The following ATP6V0D2 variants were observed in gnomAD, a reference collection of about 807,000 sequenced individuals.
ATP6V0D2 encodes the protein ATPase H+ transporting V0 subunit d2.
ATP6V0D2 carries 40 observed loss-of-function variants against 40.0 expected under a neutral mutation model. The ratio of observed to expected loss-of-function variants is 1.00; its 90% CI spans 0.78 to 1.30. The LOEUF is 1.30. Ranked by LOEUF, ATP6V0D2 falls within the 50% of genes most tolerant of loss-of-function variation. The pLI, the probability that ATP6V0D2 is intolerant of heterozygous loss-of-function variation, is 0.00. For synonymous variants in ATP6V0D2, 179 were observed against 156.3 expected (o/e 1.15, Z -1.08); for missense variants, 470 against 423.1 (o/e 1.11, Z -0.97).
chr8:86,105,616 C>CTTTTTTTTTTTT lies in ATP6V0D2; in HGVS notation c.130+6512_130+6513insTTTTTTTTTTTT, dbSNP rs1401385712. On this transcript the variant is annotated intron_variant, in intron 1 of 7. Transcript: ENST00000285393. The stretch of plus-strand genomic sequence containing the variant: ...TGCCTAGCCTGTAAACTTCTTTTTT[C>CTTTTTTTTTTTT]TTTTCTTTTTTTTTTTTTTTGAGAT... Among the ~76,000 whole-genome samples the CTTTTTTTTTTTT allele has an allele frequency of 1.4e-4, 18 of 131,164 alleles. 1 individual carries two copies. The highest frequency in any genetic ancestry group is 2.2e-4 in the Non-Finnish European group (14 of 62,498). 86.0% of individuals were successfully genotyped at this position (131,164 alleles called of 152,430 possible). A position where few individuals can be genotyped will look rare whatever the true frequency, so the allele number is the denominator to read the frequency against.
intron 2 of ATP6V0D2, among the ~76,000 whole-genome samples, chr8:86,135,926 T>G (rs1032443210): frequency 2.0e-5 from 3 of 152,160 alleles, no homozygotes; most frequent in African/African-American, 7.2e-5. Flanking sequence ...CTACAAAGAT[T>G]ATAGTCTGGA....
At position 86,099,069 on chromosome 8, in the gene ATP6V0D2, C is replaced by A; in HGVS notation, c.91C>A (p.Gln31Lys). ...RGCKASLLTQ[Q>K]DYINLVQCET... ...ATGCAAGGCCAGCCTCCTGACCCAGCAAGACTATATCAACCTGGTCCAGTG... is the reference window on the plus strand; with the variant it reads ...ATGCAAGGCCAGCCTCCTGACCCAGAAAGACTATATCAACCTGGTCCAGTG... Residue 31 changes from glutamine to lysine, a missense_variant, in exon 1 of 8, where the codon CAA becomes AAA. Gln to Lys is a moderately conservative substitution (Grantham distance 53, BLOSUM62 1). Coordinates refer to ENST00000285393, the MANE Select transcript of ATP6V0D2 (RefSeq NM_152565.1). 6.2e-7 allele frequency: 1 copy of A among 1,612,470 alleles called. No homozygotes were observed. The highest frequency in any genetic ancestry group is 8.5e-7 in the Non-Finnish European group (1 of 1,179,760).
intron 1 of ATP6V0D2, among the ~76,000 whole-genome samples, chr8:86,108,954 T>A (rs78921383): frequency 6.6e-6 from 1 of 152,226 alleles, no homozygotes; most frequent in Admixed American, 6.5e-5. Context: ...CTATTTTTTT[T>A]ATTCTATTGC....
chr8:86,117,020 T>C (rs1037739873), intron 2 of ATP6V0D2, among the ~76,000 whole-genome samples: 4 of 151,854 alleles, frequency 2.6e-5, no homozygotes, highest in African/African-American at 7.3e-5. Flanking sequence ...CAGGACCTAA[T>C]TGTCTATTTT....
intron 2 of ATP6V0D2, among the ~76,000 whole-genome samples, chr8:86,118,037 TTTCTTTC>T (rs1818616067): frequency 6.6e-6 from 1 of 151,060 alleles, no homozygotes; most frequent in East Asian, 1.9e-4. Flanking sequence ...TTTTTTTTTC[TTTCTTTC>T]TTCTTTCTTT....
At chr8:86,111,753 C>T (rs1050337213) in intron 1 of ATP6V0D2, among the ~76,000 whole-genome samples, 1 of 152,168 alleles carries the variant, frequency 6.6e-6, no homozygotes, top group Non-Finnish European at 1.5e-5. Context: ...TAATCTTTCT[C>T]CCCTCTTCCT....
intron 1 of ATP6V0D2, among the ~76,000 whole-genome samples, chr8:86,099,388 C>G (rs993965806): frequency 6.6e-6 from 1 of 152,140 alleles, no homozygotes; most frequent in African/African-American, 2.4e-5. Context: ...ACACTGTCAC[C>G]AACAAAAATT....
At chr8:86,119,295 C>T (rs1400284141) in intron 2 of ATP6V0D2, among the ~76,000 whole-genome samples, 4 of 139,388 alleles carry the variant, frequency 2.9e-5, no homozygotes, top group Non-Finnish European at 6.1e-5. Context: ...GTGGCGCAAT[C>T]TCGGCTTACT....
chr8:86,139,845 C>A (rs996071826), intron 3 of ATP6V0D2, among the ~76,000 whole-genome samples: 5 of 152,152 alleles, frequency 3.3e-5, no homozygotes, highest in Admixed American at 6.6e-5. Context: ...TTTTTCAGAT[C>A]AGGACAAATG....
In ATP6V0D2 at chr8:86,139,608, A is replaced by G. The variant is rs758625938; in HGVS notation, c.454A>G (p.Asn152Asp). 4 of 1,605,726 alleles carry G rather than the reference A, an allele frequency of 2.5e-6. No individual in the cohort carries two copies. Among genetic ancestry groups the G allele is most frequent in the East Asian group, 4.5e-5 (2 of 44,630 alleles). Reference sequence around the variant, plus strand: ...TGCAGAGACACCTTCAGATCTCTTTAATGCCATTCTGATCGAAACGCCATT... The same window carrying G: ...TGCAGAGACACCTTCAGATCTCTTTGATGCCATTCTGATCGAAACGCCATT... ...NIAETPSDLF[N>D]AILIETPLAP... Residue 152 changes from asparagine (N) to aspartate (D), a missense_variant, in exon 3 of 8, where the codon AAT becomes GAT. Coordinates refer to ENST00000285393, the MANE Select transcript of ATP6V0D2 (RefSeq NM_152565.1).
chr8:86,106,623 T>G (rs1818472600), intron 1 of ATP6V0D2, among the ~76,000 whole-genome samples: 2 of 152,248 alleles, frequency 1.3e-5, no homozygotes, highest in Admixed American at 1.3e-4. Context: ...TCTTTCCATT[T>G]TATGGTTTTG....
intron 1 of ATP6V0D2, among the ~76,000 whole-genome samples, chr8:86,109,967 C>A (rs918115416): frequency 1.3e-5 from 2 of 152,156 alleles, no homozygotes; most frequent in Admixed American, 1.3e-4. Flanking sequence ...CATACCAAAC[C>A]CTCCCTAGGA....
At chr8:86,109,599 C>T (rs1198753221) in intron 1 of ATP6V0D2, among the ~76,000 whole-genome samples, 1 of 152,174 alleles carries the variant, frequency 6.6e-6, no homozygotes, top group Non-Finnish European at 1.5e-5. Flanking sequence ...AAACATATGT[C>T]ACATGAGCAA....
At chr8:86,127,441 A>G (rs896075376) in intron 2 of ATP6V0D2, among the ~76,000 whole-genome samples, 37 of 151,646 alleles carry the variant, frequency 2.4e-4, no homozygotes, top group Admixed American at 2.4e-3. Context: ...TTCCATGAAC[A>G]ATGACCCCTG....
chr8:86,145,985 A>G (rs1188481748), intron 5 of ATP6V0D2, among the ~76,000 whole-genome samples: 1 of 152,236 alleles, frequency 6.6e-6, no homozygotes, highest in African/African-American at 2.4e-5. Flanking sequence ...ACTGAGGCAC[A>G]GAGAAGGCTA....
intron 5 of ATP6V0D2, among the ~76,000 whole-genome samples, chr8:86,146,800 G>T (rs16890031): frequency 0.014 from 2,147 of 152,234 alleles, 63 homozygotes; most frequent in African/African-American, 0.048. Context: ...AAGGGTGTTT[G>T]TCAGCTTTAC....
intron 3 of ATP6V0D2, 131 bp downstream of exon 3, chr8:86,139,766 C>T: frequency 1.1e-6 from 1 of 888,374 alleles, no homozygotes; most frequent in Middle Eastern, 2.5e-4. Context: ...TCCATGAATA[C>T]AGTAGCATAC....
intron 2 of ATP6V0D2, among the ~76,000 whole-genome samples, chr8:86,114,829 C>G (rs1230391850): frequency 6.6e-6 from 1 of 152,072 alleles, no homozygotes; most frequent in Non-Finnish European, 1.5e-5. Context: ...CAAAGACACA[C>G]AAATAAATGA....
chr8:86,111,271 C>G (rs918835505), intron 1 of ATP6V0D2, among the ~76,000 whole-genome samples: 2 of 151,438 alleles, frequency 1.3e-5, no homozygotes, highest in African/African-American at 2.4e-5. Flanking sequence ...ACTGAAGCCT[C>G]GAGCCCCTGG....
Sources: allele counts gnomAD v4.1 joint callset (sites outside exome capture counted in the v4.1 genomes callset), GRCh38; gene constraint gnomAD v4.1.1; transcripts MANE v1.5; gene names NCBI Gene and HGNC (gene_info 2026-07-23, HGNC 2026-07-21).